MPP7: variants seen among roughly 807,000 people sequenced by gnomAD.
The protein encoded by MPP7 is MAGUK p55 subfamily member 7.
Under a neutral mutation model 76.5 loss-of-function variants are expected in MPP7, and 60 were observed. That is an observed-to-expected ratio of 0.78 (90% CI 0.64 to 0.97). MPP7 has a LOEUF of 0.97. Among genes scored for constraint, MPP7 ranks in the 50% least tolerant of loss-of-function variants. The pLI is 0.00. For missense variants in MPP7, 641 were observed against 694.0 expected (o/e 0.92, Z 0.86); for synonymous variants, 237 against 244.5 (o/e 0.97, Z 0.29).
chr10:28,171,895 T>C (rs1836694317), intron 3 of MPP7, among the ~76,000 whole-genome samples: 1 of 152,228 alleles, frequency 6.6e-6, no homozygotes, highest in African/African-American at 2.4e-5. Context: ...ATGGATGGGC[T>C]CTTGGTTTCA....
chr10:28,310,781 G>T (rs1005390354), intron 2 of MPP7, among the ~76,000 whole-genome samples: 1 of 152,092 alleles, frequency 6.6e-6, no homozygotes, highest in Non-Finnish European at 1.5e-5. Flanking sequence ...TTGGGAAAAA[G>T]CTATAAACCA....
chr10:28,126,269 C>T (rs1835015546), intron 6 of MPP7, among the ~76,000 whole-genome samples: 1 of 152,166 alleles, frequency 6.6e-6, no homozygotes, highest in African/African-American at 2.4e-5. Context: ...TCACCAACTA[C>T]TAGTATTTTC....
chr10:28,207,956 C>G (rs1033272645), intron 2 of MPP7, among the ~76,000 whole-genome samples: 5 of 152,108 alleles, frequency 3.3e-5, no homozygotes, highest in African/African-American at 1.2e-4. Flanking sequence ...CATGGTCCAA[C>G]CTGGAGACAG....
chr10:28,188,698 C>T (rs1399417457), intron 3 of MPP7, among the ~76,000 whole-genome samples: 1 of 152,010 alleles, frequency 6.6e-6, no homozygotes, highest in Non-Finnish European at 1.5e-5. Context: ...AGAGAGCAAA[C>T]ATCTTGAAAG....
intron 3 of MPP7, among the ~76,000 whole-genome samples, chr10:28,193,697 A>C (rs1001887322): frequency 8.5e-5 from 13 of 152,196 alleles, no homozygotes; most frequent in Admixed American, 2.6e-4. Context: ...AGAAAATACA[A>C]AGAATTGTTA....
At chr10:28,186,303 A>G (rs1588898123) in intron 3 of MPP7, among the ~76,000 whole-genome samples, 1 of 150,810 alleles carries the variant, frequency 6.6e-6, no homozygotes, top group African/African-American at 2.4e-5. Flanking sequence ...CTGAGATCGC[A>G]CCACTGCACT....
chr10:28,333,631 G>A (rs1312809801), intron 1 of MPP7, among the ~76,000 whole-genome samples: 1 of 152,180 alleles, frequency 6.6e-6, no homozygotes, highest in African/African-American at 2.4e-5. Flanking sequence ...AAAGTCTAGT[G>A]CAAATTTGGC....
chr10:28,331,485 C>T (rs1324343709), intron 1 of MPP7, among the ~76,000 whole-genome samples: 3 of 152,114 alleles, frequency 2.0e-5, no homozygotes, highest in African/African-American at 7.2e-5. Context: ...TCATAATTTA[C>T]CCAGTCAGCC....
In MPP7 at chr10:28,053,798, T is replaced by C. The variant is rs1273291085; in HGVS notation, c.*267A>G. 1.8e-5 allele frequency: 7 copies of C among 397,254 alleles called. No individual in the cohort carries two copies. The highest frequency in any genetic ancestry group is 4.5e-5 in the Admixed American group (1 of 22,256). 24.6% of individuals were successfully genotyped at this position (397,254 alleles called of 1,614,324 possible). On this transcript the variant is annotated 3_prime_UTR_variant, in exon 17 of 17. Coordinates refer to ENST00000683449, the MANE Select transcript of MPP7 (RefSeq NM_001318170.2). ...TCTCTCTGAAAATTTCAGCCTCATC[T>C]TGGAGATAGAGCGGTATTGAAGACA...
intron 11 of MPP7, among the ~76,000 whole-genome samples, chr10:28,116,687 T>C (rs1044889018): frequency 7.2e-5 from 11 of 152,158 alleles, no homozygotes; most frequent in African/African-American, 2.7e-4. Flanking sequence ...CAAGTCCTTA[T>C]ATCCAGCTAC....
At position 28,232,877 on chromosome 10, in the gene MPP7, C is replaced by A. The variant is rs72803688; in HGVS notation, c.37+5691G>T. ...TGGATATGACCAGGTCACATGGATG[C>A]TGGCTTATAACCACTTTTAAAACTC... On this transcript the variant is annotated intron_variant, in intron 2 of 16. Coordinates refer to ENST00000683449, the MANE Select transcript of MPP7 (RefSeq NM_001318170.2). Among the ~76,000 whole-genome samples, 777 of 152,282 alleles carry A rather than the reference C, an allele frequency of 5.1e-3. 3 individuals carry two copies. Among genetic ancestry groups the A allele is most frequent in the Non-Finnish European group, 9.0e-3 (611 of 68,026 alleles).
At chr10:28,219,465 T>C (rs1838423619) in intron 2 of MPP7, among the ~76,000 whole-genome samples, 1 of 152,150 alleles carries the variant, frequency 6.6e-6, no homozygotes. Context: ...ACTGTTAGTC[T>C]AGAGAAATTT....
Position 28,232,234 on chromosome 10 carries a change from C to T in MPP7, c.37+6334G>A, listed in dbSNP as rs116855104. ...AAAATTAGCCAGGCATGGTGGCATGCGCCTAAAGTCCTAGCTACTTGAGAC... is the reference window on the plus strand; with the variant it reads ...AAAATTAGCCAGGCATGGTGGCATGTGCCTAAAGTCCTAGCTACTTGAGAC... On this transcript the variant is annotated intron_variant, in intron 2 of 16. Coordinates refer to ENST00000683449, the MANE Select transcript of MPP7 (RefSeq NM_001318170.2). 9.9e-3 allele frequency among the ~76,000 whole-genome samples: 1,505 copies of T among 152,074 alleles called. 24 individuals are homozygous for T. The highest frequency in any genetic ancestry group is 0.064 in the East Asian group (332 of 5,160).
At chr10:28,067,076 G>A (rs1852020063) in intron 13 of MPP7, among the ~76,000 whole-genome samples, 2 of 152,114 alleles carry the variant, frequency 1.3e-5, no homozygotes, top group Non-Finnish European at 2.9e-5. Flanking sequence ...CGGAATTGCT[G>A]GGTCAAGGGT....
chr10:28,063,292 T>C (rs1445105681), intron 13 of MPP7, among the ~76,000 whole-genome samples: 1 of 151,950 alleles, frequency 6.6e-6, no homozygotes, highest in Non-Finnish European at 1.5e-5. Flanking sequence ...AAACCCCACC[T>C]CTACTATAAA....
chr10:28,184,165 T>C (rs1328977423), intron 3 of MPP7, among the ~76,000 whole-genome samples: 3 of 144,544 alleles, frequency 2.1e-5, no homozygotes, highest in African/African-American at 7.7e-5. Context: ...TCTTAGTATA[T>C]ATTAAGATCT....
chr10:28,194,475 C>T (rs1026911527), intron 3 of MPP7, among the ~76,000 whole-genome samples: 1 of 152,072 alleles, frequency 6.6e-6, no homozygotes, highest in East Asian at 1.9e-4. Flanking sequence ...ATGAACATGC[C>T]CTTCAAAAGG....
chr10:28,108,593 G>A (rs1311357016), intron 11 of MPP7, among the ~76,000 whole-genome samples: 1 of 151,998 alleles, frequency 6.6e-6, no homozygotes, highest in Non-Finnish European at 1.5e-5. Context: ...GGAGGCGGAG[G>A]TTGCAGAGAG....
intron 5 of MPP7, among the ~76,000 whole-genome samples, chr10:28,136,711 G>A (rs564365708): frequency 6.6e-6 from 1 of 152,084 alleles, no homozygotes; most frequent in East Asian, 1.9e-4. Flanking sequence ...TATGAAATAA[G>A]AAAAAAGTAC....
Sources: allele counts gnomAD v4.1 joint callset (sites outside exome capture counted in the v4.1 genomes callset), GRCh38; gene constraint gnomAD v4.1.1; transcripts MANE v1.5; gene names NCBI Gene and HGNC (gene_info 2026-07-23, HGNC 2026-07-21).